Variants in NEB observed in about 807,000 individuals in gnomAD.
NEB encodes the protein nemaline myopathy type 2.
NEB carries 512 observed loss-of-function variants against 952.2 expected under a neutral mutation model. The observed-to-expected ratio is 0.54, with a 90% CI of 0.50 to 0.58. The LOEUF (loss-of-function observed/expected upper bound fraction) is 0.58. Among genes scored for constraint, NEB ranks in the 20% least tolerant of loss-of-function variants. The pLI, the probability that NEB is intolerant of heterozygous loss-of-function variation, is 0.00. For missense variants in NEB, 8,428 were observed against 9,231.1 expected, an observed-to-expected ratio of 0.91 and a Z score of 3.56; for synonymous variants, 2,900 against 3,149.8, an observed-to-expected ratio of 0.92 and a Z score of 2.66.
chr2:151,643,957 A>G lies in NEB; in HGVS notation c.7817T>C (p.Met2606Thr). The part of the protein sequence containing the change: ...WKTKFSSPVD[M>T]LGVVLAKKCQ... ...CTTCTTGGCCAACACCACCCCCAGCATGTCCACTGGGCTGCTGAACTTGGT... is the reference window on the plus strand; with the variant it reads ...CTTCTTGGCCAACACCACCCCCAGCGTGTCCACTGGGCTGCTGAACTTGGT... Residue 2606 changes from methionine (M) to threonine (T), a missense_variant, in exon 57 of 182, where the codon ATG becomes ACG. Coordinates refer to ENST00000397345, the MANE Select transcript of NEB (RefSeq NM_001164508.2). The G allele has an allele frequency of 1.2e-6, 2 of 1,613,948 alleles. No individual in the cohort carries two copies. The highest frequency in any genetic ancestry group is 8.5e-7 in the Non-Finnish European group (1 of 1,179,872).
chr2:151,637,586 A>C (rs2098786027), intron 63 of NEB, among the ~76,000 whole-genome samples: 1 of 152,140 alleles, frequency 6.6e-6, no homozygotes, highest in South Asian at 2.1e-4. Context: ...AAAATGGGGA[A>C]GGGCACCTGG....
chr2:151,534,760 G>T (rs1297500317), intron 142 of NEB, among the ~76,000 whole-genome samples: 3 of 152,150 alleles, frequency 2.0e-5, no homozygotes, highest in Non-Finnish European at 2.9e-5. Context: ...TTATAAAGGA[G>T]ACCTGGAAAT....
chr2:151,677,445 TAAAC>T, intron 34 of NEB, 116 bp downstream of exon 34: 1 of 755,930 alleles, frequency 1.3e-6, no homozygotes, highest in Non-Finnish European at 1.9e-6. Context: ...AAAAATTAAA[TAAAC>T]AAAATAATTT....
chr2:151,621,899 T>C (rs1302073163), intron 71 of NEB, among the ~76,000 whole-genome samples: 1 of 152,162 alleles, frequency 6.6e-6, no homozygotes, highest in African/African-American at 2.4e-5. Context: ...AAAGTAAAAA[T>C]TTATTGGATC....
Position 151,630,813 on chromosome 2 carries a change from A to G in NEB, c.9625T>C (p.Tyr3209His). 6.3e-7 allele frequency: 1 copy of G among 1,588,424 alleles called. No individual in the cohort carries two copies. The highest frequency in any genetic ancestry group is 8.6e-7 in the Non-Finnish European group (1 of 1,166,970). Residue 3209 changes from tyrosine (Y) to histidine (H), a missense_variant, in exon 67 of 182, where the codon TAC (tyrosine) becomes CAC (histidine). Tyr to His is a moderately conservative substitution (Grantham distance 83). Around this residue, in one of 11 missense-constraint regions of NEB, gnomAD observed 1,772 missense variants for 1,960.3 expected, o/e 0.90. Coordinates refer to ENST00000397345, the MANE Select transcript of NEB (RefSeq NM_001164508.2). ...TTGTCTTTGTCCCAGGCCTCTGTGT[A>G]TAAACGCTATAAAAGAAGATAAGAT... is the stretch of plus-strand genomic sequence containing the variant. ...NNALNMNKRLYTEAWDKDKTQ... is the reference protein window; with the variant it reads ...NNALNMNKRLHTEAWDKDKTQ...
rs753996512 is a variant in NEB at position 151,642,868 on chromosome 2, C to T, written c.8162G>A (p.Arg2721His). The T allele has an allele frequency of 1.2e-5, 19 of 1,601,674 alleles. No homozygotes were observed. The highest frequency in any genetic ancestry group is 2.2e-5 in the East Asian group (1 of 44,686). ...AKNNAITMNH[R>H]LYTEAWDKDK... ...TTTATCCCAAGCTTCTGTATAGAGG[C>T]GCTAAGAGAAACAGAAAAACATGAC... Residue 2721 changes from arginine to histidine, a missense_variant and splice_region_variant, in exon 59 of 182, where the codon CGC becomes CAC. Transcript: ENST00000397345.
chr2:151,656,741 G>A (rs1558898669), intron 48 of NEB, among the ~76,000 whole-genome samples: 1 of 151,792 alleles, frequency 6.6e-6, no homozygotes, highest in Non-Finnish European at 1.5e-5. Context: ...TGAGGCCACT[G>A]AGGATTAGAA....
At position 151,687,469 on chromosome 2, in the gene NEB, C is replaced by A; in HGVS notation, c.2587G>T (p.Asp863Tyr). 1 of 1,614,034 alleles carries A rather than the reference C, an allele frequency of 6.2e-7. No homozygotes were observed. The highest frequency in any genetic ancestry group is 8.5e-7 in the Non-Finnish European group (1 of 1,179,888). Residue 863 changes from aspartate to tyrosine, a missense_variant, in exon 27 of 182, where the codon GAC becomes TAC. Coordinates refer to ENST00000397345, the MANE Select transcript of NEB (RefSeq NM_001164508.2). ...AAGGAGTGCAGCATCTTTGGATCGTCATTAATGCTGAGGGCTCCAATCATT... is the reference window on the plus strand; with the variant it reads ...AAGGAGTGCAGCATCTTTGGATCGTAATTAATGCTGAGGGCTCCAATCATT... ...GKMIGALSIN[D>Y]DPKMLHSLKT...
intron 167 of NEB, among the ~76,000 whole-genome samples, chr2:151,501,984 A>C (rs1337236447): frequency 6.6e-6 from 1 of 152,214 alleles, no homozygotes; most frequent in Non-Finnish European, 1.5e-5. Flanking sequence ...CAAGACAAGT[A>C]AATTATATTT....
chr2:151,625,446 AC>A, intron 71 of NEB, 87 bp downstream of exon 71: 2 of 1,010,318 alleles, frequency 2.0e-6, no homozygotes, highest in Non-Finnish European at 2.9e-6. Flanking sequence ...TAACTGGCTT[AC>A]ATGAGGATTA....
In NEB at chr2:151,619,726, G is replaced by T; in HGVS notation, c.10597C>A (p.His3533Asn). 1 of 1,613,324 alleles carries T rather than the reference G, an allele frequency of 6.2e-7. No individual in the cohort carries two copies. The highest frequency in any genetic ancestry group is 8.5e-7 in the Non-Finnish European group (1 of 1,179,386). The change falls in exon 73 of 182, where the codon CAC becomes AAC. Residue 3533 changes from histidine (H) to asparagine (N), a missense_variant. Coordinates refer to ENST00000397345, the MANE Select transcript of NEB (RefSeq NM_001164508.2). Reference sequence around the variant, plus strand: ...TGTACTGCTCGGGCGCCAATGTGGTGACCCAACTGTTTACGATATGCTTCT... The same window carrying T: ...TGTACTGCTCGGGCGCCAATGTGGTTACCCAACTGTTTACGATATGCTTCT... ...YKEAYRKQLG[H>N]HIGARAVHDD...
At chr2:151,675,863 G>A (rs369071102) in intron 34 of NEB, among the ~76,000 whole-genome samples, 145 of 152,204 alleles carry the variant, frequency 9.5e-4, no homozygotes, top group African/African-American at 3.3e-3. Context: ...TAATGTAGAG[G>A]TGCTTATACA....
chr2:151,613,709 T>C (rs1403816094), intron 77 of NEB, among the ~76,000 whole-genome samples: 2 of 152,150 alleles, frequency 1.3e-5, no homozygotes, highest in East Asian at 1.9e-4. Context: ...GTTCTTGTGA[T>C]AGTGAGTGAA....
chr2:151,643,969 C>A lies in NEB; in HGVS notation c.7805G>T (p.Ser2602Ile), dbSNP rs772938264. The A allele has an allele frequency of 6.2e-7, 1 of 1,613,832 alleles. No individual in the cohort carries two copies. The highest frequency in any genetic ancestry group is 1.3e-5 in the African/African-American group (1 of 74,900). Residue 2602 changes from serine (S) to isoleucine (I), a missense_variant, in exon 57 of 182, where the codon AGC (serine) becomes ATC (isoleucine). By Grantham distance (142) the Ser-to-Ile change is moderately radical. Transcript: ENST00000397345. Reference sequence around the variant, plus strand: ...CACCACCCCCAGCATGTCCACTGGGCTGCTGAACTTGGTCTTCCACTTCTC... The same window carrying A: ...CACCACCCCCAGCATGTCCACTGGGATGCTGAACTTGGTCTTCCACTTCTC... Reference protein sequence around the residue: ...DFEKWKTKFSSPVDMLGVVLA... With the variant: ...DFEKWKTKFSIPVDMLGVVLA...
In NEB at chr2:151,616,068, G is replaced by T; in HGVS notation, c.11223C>A (p.Gly3741=). ...KLALEESKKE[G]YDLRLDAIPI... The stretch of plus-strand genomic sequence containing the variant: ...GAATGGCATCCAGACGCAAGTCATA[G>T]CCTTCCTTCTTGGACTCTTCCAAAG... The change falls in exon 76 of 182, where the codon GGC becomes GGA. Residue 3741 remains glycine, a synonymous_variant. Transcript: ENST00000397345. 1 of 1,613,068 alleles carries T rather than the reference G, an allele frequency of 6.2e-7. No individual in the cohort carries two copies. The highest frequency in any genetic ancestry group is 2.2e-5 in the East Asian group (1 of 44,780).
chr2:151,513,680 C>G lies in NEB; in HGVS notation c.23141G>C (p.Arg7714Pro). Residue 7714 changes from arginine (R) to proline (P), a missense_variant, in exon 160 of 182, where the codon CGA becomes CCA. By Grantham distance (103) the Arg-to-Pro change is moderately radical. Transcript: ENST00000397345. ...TCCTTTGACTTCCAGTTCCAGGTCT[C>G]GCTTATATTCTTTCTATAGTAGCAT... Reference protein sequence around the residue: ...TQILNEKEYKRDLELEVKGRG... With the variant: ...TQILNEKEYKPDLELEVKGRG... 6.3e-7 allele frequency: 1 copy of G among 1,599,716 alleles called. No individual in the cohort carries two copies.
Position 151,528,547 on chromosome 2 carries a change from G to A in NEB, c.21735+663C>T, listed in dbSNP as rs116755797. ...TGCCCTCAATCCATCCTCAGGATAC[G>A]TACAAGCTCTTTGCCAGCTCCTACA... On this transcript the variant is annotated intron_variant, in intron 146 of 181. Coordinates refer to ENST00000397345, the MANE Select transcript of NEB (RefSeq NM_001164508.2). 3.0e-3 allele frequency among the ~76,000 whole-genome samples: 457 copies of A among 152,270 alleles called. 3 individuals are homozygous for A. The highest frequency in any genetic ancestry group is 0.01 in the African/African-American group (428 of 41,556).
rs776667734 is a variant in NEB, at chr2:151,627,047, A to T, written c.10302T>A (p.Ser3434=). ...DKLKFTSVTD[S]LEQVLAKNNA... ...TGTTCTTGGCCAGCACCTGCTCTAGAGAGTCAGTCACACTGGTAAATTTCA... is the reference window on the plus strand; with the variant it reads ...TGTTCTTGGCCAGCACCTGCTCTAGTGAGTCAGTCACACTGGTAAATTTCA... Residue 3434 remains serine (S), a synonymous_variant, in exon 70 of 182, where the codon TCT becomes TCA. Coordinates refer to ENST00000397345, the MANE Select transcript of NEB (RefSeq NM_001164508.2). 3.7e-6 allele frequency: 6 copies of T among 1,613,860 alleles called. No homozygotes were observed. The African/African-American group carries it at 8.0e-5, about 22-fold the overall frequency.
At chr2:151,692,957 G>A (rs922244063) in intron 20 of NEB, among the ~76,000 whole-genome samples, 3 of 152,174 alleles carry the variant, frequency 2.0e-5, no homozygotes, top group African/African-American at 4.8e-5. Context: ...ATGACAGAGC[G>A]AGAGCCTGTC....
Sources: allele counts gnomAD v4.1 joint callset (sites outside exome capture counted in the v4.1 genomes callset), GRCh38; gene constraint gnomAD v4.1.1; regional missense constraint gnomAD v4.1.1; transcripts MANE v1.5; gene names NCBI Gene and HGNC (gene_info 2026-07-23, HGNC 2026-07-21).